Variants in COL19A1 observed in about 807,000 individuals in gnomAD.
The protein encoded by COL19A1 is collagen alpha-1(XIX) chain.
In COL19A1, 159 loss-of-function variants were observed where a neutral mutation model predicts 190.2. That is an observed-to-expected ratio of 0.84 (90% CI 0.73 to 0.95). COL19A1 has a LOEUF of 0.95. COL19A1 is among the 40% of genes least tolerant of loss of function. The pLI is 0.00. For missense variants in COL19A1, 1,418 were observed against 1,431.9 expected (o/e 0.99, Z 0.16); for synonymous variants, 509 against 458.9 (o/e 1.11, Z -1.39).
intron 11 of COL19A1, among the ~76,000 whole-genome samples, chr6:69,997,057 C>T (rs1776960574): frequency 7.0e-6 from 1 of 143,204 alleles, no homozygotes; most frequent in South Asian, 2.2e-4. Context: ...AGAAAGAGAA[C>T]CAAAAGAGAA....
chr6:70,096,477 G>C (rs1423632733), intron 15 of COL19A1, among the ~76,000 whole-genome samples: 2 of 152,146 alleles, frequency 1.3e-5, no homozygotes, highest in African/African-American at 2.4e-5. Context: ...GGTGTATGCA[G>C]TAGGAATTTT....
At chr6:70,199,068 T>A (rs1327250205) in intron 48 of COL19A1, among the ~76,000 whole-genome samples, 1 of 152,240 alleles carries the variant, frequency 6.6e-6, no homozygotes, top group Non-Finnish European at 1.5e-5. Context: ...CCACGATGTC[T>A]TTTATGACCT....
intron 11 of COL19A1, among the ~76,000 whole-genome samples, chr6:70,017,388 T>C (rs1427998153): frequency 6.6e-6 from 1 of 152,182 alleles, no homozygotes; most frequent in East Asian, 1.9e-4. Context: ...GGAAGTATTT[T>C]AGTCTTAGGT....
intron 9 of COL19A1, among the ~76,000 whole-genome samples, chr6:69,946,664 A>T (rs1447491911): frequency 6.6e-6 from 1 of 151,950 alleles, no homozygotes; most frequent in Non-Finnish European, 1.5e-5. Flanking sequence ...ATTAGTAATT[A>T]ACGCACCCCT....
chr6:69,944,295 C>A (rs776004348), intron 9 of COL19A1, among the ~76,000 whole-genome samples: 6 of 152,048 alleles, frequency 3.9e-5, no homozygotes, highest in Non-Finnish European at 7.4e-5. Flanking sequence ...TATTTCTTTC[C>A]CTGTTGGAAA....
chr6:70,108,907 C>G (rs1169243610), intron 16 of COL19A1, among the ~76,000 whole-genome samples: 2 of 152,098 alleles, frequency 1.3e-5, no homozygotes, highest in Non-Finnish European at 2.9e-5. Context: ...AATTATACAT[C>G]AGTTTGCACA....
intron 9 of COL19A1, among the ~76,000 whole-genome samples, chr6:69,940,091 G>A (rs982741455): frequency 6.6e-6 from 1 of 151,324 alleles, no homozygotes; most frequent in African/African-American, 2.4e-5. Context: ...AAAAATCTAT[G>A]TCATAAGTAC....
intron 41 of COL19A1, among the ~76,000 whole-genome samples, chr6:70,174,497 T>C (rs1286885865): frequency 6.6e-6 from 1 of 151,744 alleles, no homozygotes; most frequent in Admixed American, 6.6e-5. Context: ...GAGGCAGAGG[T>C]TGCAGTGAGC....
Position 70,211,816 on chromosome 6 carries a change from A to G in COL19A1, c.*4542A>G, listed in dbSNP as rs180969920. On this transcript the variant is annotated 3_prime_UTR_variant, in exon 51 of 51. Coordinates refer to ENST00000620364, the MANE Select transcript of COL19A1 (RefSeq NM_001858.6). ...TGAAGAACCAAGTGAACACAGAGAA[A>G]ACTTATTCGGACAAGTAGACCCAGC... Among the ~76,000 whole-genome samples, 1 of 152,132 alleles carries G rather than the reference A, an allele frequency of 6.6e-6. No homozygotes were observed. The highest frequency in any genetic ancestry group is 6.6e-5 in the Admixed American group (1 of 15,258).
chr6:70,086,225 C>T (rs1782582566), intron 15 of COL19A1, among the ~76,000 whole-genome samples: 1 of 152,080 alleles, frequency 6.6e-6, no homozygotes, highest in African/African-American at 2.4e-5. Context: ...CAACAGAATT[C>T]AGCATTCACA....
At chr6:70,185,191 ATC>A (rs1198162204) in intron 46 of COL19A1, among the ~76,000 whole-genome samples, 1 of 152,204 alleles carries the variant, frequency 6.6e-6, no homozygotes, top group African/African-American at 2.4e-5. Context: ...TTAGACATAT[ATC>A]TCTACTATAA....
At position 70,130,219 on chromosome 6, in the gene COL19A1, A is replaced by T; in HGVS notation, c.1379A>T (p.Asp460Val). The T allele has an allele frequency of 6.2e-7, 1 of 1,612,608 alleles. No homozygotes were observed. Among genetic ancestry groups the T allele is most frequent in the Non-Finnish European group, 8.5e-7 (1 of 1,179,474 alleles). The change falls in exon 18 of 51, where the codon GAC becomes GTC. Residue 460 changes from aspartate to valine, a missense_variant. By Grantham distance (152) the Asp-to-Val change is radical (BLOSUM62 -3). Transcript: ENST00000620364. Reference sequence around the variant, plus strand: ...CATGAAGCTGGAGGCCTGAAAGGAGACAAGGTAATCAGATTTTTTTTTTTT... The same window carrying T: ...CATGAAGCTGGAGGCCTGAAAGGAGTCAAGGTAATCAGATTTTTTTTTTTT... ...DEHEAGGLKGDKGETGLPGFP... is the reference protein window; with the variant it reads ...DEHEAGGLKGVKGETGLPGFP...
chr6:70,135,373 G>T (rs1785791780), intron 18 of COL19A1, among the ~76,000 whole-genome samples: 1 of 152,152 alleles, frequency 6.6e-6, no homozygotes, highest in African/African-American at 2.4e-5. Flanking sequence ...AGGCTGAAAA[G>T]ACTGTAATCA....
intron 16 of COL19A1, among the ~76,000 whole-genome samples, chr6:70,110,753 T>A (rs1784239082): frequency 6.6e-6 from 1 of 152,212 alleles, no homozygotes; most frequent in Non-Finnish European, 1.5e-5. Flanking sequence ...AGTCACTTTC[T>A]GACTTCCTGT....
intron 7 of COL19A1, among the ~76,000 whole-genome samples, chr6:69,933,067 T>G (rs140898301): frequency 2.0e-5 from 3 of 152,226 alleles, no homozygotes; most frequent in Non-Finnish European, 4.4e-5. Flanking sequence ...CCCTTAATTT[T>G]GAGGGTAATA....
At chr6:69,938,304 G>T (rs1288793362) in intron 9 of COL19A1, among the ~76,000 whole-genome samples, 3 of 152,090 alleles carry the variant, frequency 2.0e-5, no homozygotes, top group Non-Finnish European at 2.9e-5. Flanking sequence ...AGGCTGGTGT[G>T]AACTTTGGAA....
At chr6:70,061,538 A>T (rs1310343566) in intron 14 of COL19A1, among the ~76,000 whole-genome samples, 1 of 152,014 alleles carries the variant, frequency 6.6e-6, no homozygotes, top group Non-Finnish European at 1.5e-5. Flanking sequence ...TATCATAAAT[A>T]TTTTTTGCGT....
intron 44 of COL19A1, among the ~76,000 whole-genome samples, chr6:70,181,656 A>AACAC (rs56362588): frequency 0.061 from 9,009 of 147,696 alleles, 308 homozygotes; most frequent in East Asian, 0.14. Flanking sequence ...AGATAAAAAC[A>AACAC]ACACACACAC....
At chr6:70,017,156 G>T (rs917014036) in intron 11 of COL19A1, among the ~76,000 whole-genome samples, 4 of 152,006 alleles carry the variant, frequency 2.6e-5, no homozygotes, top group African/African-American at 9.7e-5. Flanking sequence ...TACTCAAAAA[G>T]AAACAAACTA....
Sources: allele counts gnomAD v4.1 joint callset (sites outside exome capture counted in the v4.1 genomes callset), GRCh38; gene constraint gnomAD v4.1.1; transcripts MANE v1.5; gene names NCBI Gene and HGNC (gene_info 2026-07-23, HGNC 2026-07-21).